B4GALT4: variants seen among roughly 807,000 people sequenced by gnomAD.
B4GALT4 encodes the protein N-acetyllactosamine synthase.
B4GALT4 carries 27 observed loss-of-function variants against 37.3 expected under a neutral mutation model. The ratio of observed to expected loss-of-function variants is 0.72; its 90% CI spans 0.53 to 1.00. The LOEUF is 1.00. Among genes scored for constraint, B4GALT4 ranks in the 50% least tolerant of loss-of-function variants. B4GALT4 has a pLI of 0.00. For synonymous variants in B4GALT4, 148 were observed against 154.1 expected (o/e 0.96, Z 0.29); for missense variants, 372 against 413.1 (o/e 0.90, Z 0.86).
chr3:119,222,453 G>C (rs932165128), intron 5 of B4GALT4, among the ~76,000 whole-genome samples: 11 of 152,124 alleles, frequency 7.2e-5, no homozygotes, highest in African/African-American at 4.8e-5. Context: ...CAGACATGTG[G>C]CGTCTCTCCC....
At chr3:119,218,868 A>C (rs1194705964) in intron 5 of B4GALT4, 96 bp from the exon 6 acceptor site, 1 of 1,427,990 alleles carries the variant, frequency 7.0e-7, no homozygotes, top group Non-Finnish European at 9.6e-7. Context: ...GAGACCATGT[A>C]CTTCCACCCA....
chr3:119,218,639 CTGT>C lies in B4GALT4; in HGVS notation c.797+8_797+10del, dbSNP rs778372800. ...AGAGCCCCGTGAAGGGGACCTTTCT[CTGT>C]TGTTCACCTGAGTCTGAGGTCATCG... is the stretch of plus-strand genomic sequence containing the variant. On this transcript the variant is annotated splice_region_variant and intron_variant, in intron 6 of 7. Transcript: ENST00000393765. The C allele has an allele frequency of 2.5e-5, 41 of 1,614,072 alleles. No homozygotes were observed. Among genetic ancestry groups the C allele is most frequent in the Non-Finnish European group, 3.4e-5 (40 of 1,180,038 alleles).
At position 119,226,814 on chromosome 3, in the gene B4GALT4, G is replaced by A. The variant is rs2078634006; in HGVS notation, c.481C>T (p.His161Tyr). ...QQLDYGIYVI[H>Y]QAEGKKFNRA... is the part of the protein sequence containing the mutation. ...TGGTCTGCCCCCACGCTCACCTGGT[G>A]GATGACGTAGATGCCATAATCCAGC... Residue 161 changes from histidine (H) to tyrosine (Y), a missense_variant, in exon 4 of 8, where the codon CAC becomes TAC. By Grantham distance (83) the His-to-Tyr change is moderately conservative. Coordinates refer to ENST00000393765, the MANE Select transcript of B4GALT4 (RefSeq NM_003778.4). 2 of 1,613,128 alleles carry A rather than the reference G, an allele frequency of 1.2e-6. No homozygotes were observed. Among genetic ancestry groups the A allele is most frequent in the Non-Finnish European group, 1.7e-6 (2 of 1,179,816 alleles).
chr3:119,220,800 C>T (rs1214146574), intron 5 of B4GALT4, among the ~76,000 whole-genome samples: 1 of 152,156 alleles, frequency 6.6e-6, no homozygotes, highest in East Asian at 1.9e-4. Context: ...CCCTGGCTAA[C>T]ACTGCGAAAC....
At chr3:119,234,357 T>C (rs1053501153) in intron 2 of B4GALT4, among the ~76,000 whole-genome samples, 1 of 152,146 alleles carries the variant, frequency 6.6e-6, no homozygotes, top group African/African-American at 2.4e-5. Context: ...TGACCTCAAA[T>C]GATCTGCCCA....
In B4GALT4 at chr3:119,216,204, G is replaced by C. The variant is rs570667402; in HGVS notation, c.902+36C>G. 26 of 1,506,648 alleles carry C rather than the reference G, an allele frequency of 1.7e-5. No homozygotes were observed. In the South Asian group the frequency reaches 2.8e-4, roughly 16 times the overall value. 93.3% of individuals were successfully genotyped at this position (1,506,648 alleles called of 1,614,324 possible). ...GTCCTTATTGACAGAACAGACTAGG[G>C]AGGTAGCCTGCTAGGCAGGTGAAGC... On this transcript the variant is annotated intron_variant, in intron 7 of 7. Coordinates refer to ENST00000393765, the MANE Select transcript of B4GALT4 (RefSeq NM_003778.4).
Position 119,230,180 on chromosome 3 carries a change from T to C in B4GALT4, c.-81A>G, listed in dbSNP as rs1162831076. ...TTCAAGTTGAGCTTTTCCAATCTGA[T>C]TGCGAACTTGATGACAACTGAAGAT... On this transcript the variant is annotated 5_prime_UTR_variant, in exon 3 of 8. Transcript: ENST00000393765. 3.3e-6 allele frequency: 5 copies of C among 1,538,288 alleles called. No individual in the cohort carries two copies. Among genetic ancestry groups the C allele is most frequent in the Admixed American group, 1.9e-5 (1 of 53,864 alleles).
intron 3 of B4GALT4, among the ~76,000 whole-genome samples, chr3:119,227,726 T>TTTTG (rs986061871): frequency 6.6e-6 from 1 of 152,190 alleles, no homozygotes; most frequent in Admixed American, 6.5e-5. Flanking sequence ...GCTCAGGTTT[T>TTTTG]TTTGTTTGTT....
chr3:119,239,108 T>C (rs573753392), intron 1 of B4GALT4, among the ~76,000 whole-genome samples: 2 of 152,222 alleles, frequency 1.3e-5, no homozygotes, highest in East Asian at 1.9e-4. Context: ...AATGGATCAC[T>C]TGGGGTCAGG....
chr3:119,234,689 A>G (rs1254567463), intron 2 of B4GALT4, among the ~76,000 whole-genome samples: 1 of 152,222 alleles, frequency 6.6e-6, no homozygotes, highest in Non-Finnish European at 1.5e-5. Context: ...TTACACTAAC[A>G]TTTAAGTAAT....
In B4GALT4 at chr3:119,218,652, G is replaced by A. The variant is rs751656618; in HGVS notation, c.795C>T (p.Leu265=). Residue 265 remains leucine (L), a splice_region_variant and synonymous_variant, in exon 6 of 8, where the codon CTC becomes CTT. Coordinates refer to ENST00000393765, the MANE Select transcript of B4GALT4 (RefSeq NM_003778.4). ...GGGGACCTTTCTCTGTTGTTCACCTGAGTCTGAGGTCATCGTCTTCGCCTC... is the reference window on the plus strand; with the variant it reads ...GGGGACCTTTCTCTGTTGTTCACCTAAGTCTGAGGTCATCGTCTTCGCCTC... ...GWGGEDDDLR[L]RVELQRMKIS... 1 of 1,614,190 alleles carries A rather than the reference G, an allele frequency of 6.2e-7. No homozygotes were observed.
intron 7 of B4GALT4, chr3:119,212,999 T>C: frequency 5.2e-6 from 1 of 192,526 alleles, no homozygotes; most frequent in Non-Finnish European, 1.0e-5. Flanking sequence ...TGCTAACTGA[T>C]CCTTGGCTGA....
At chr3:119,218,798 G>A (rs1346621236) in intron 5 of B4GALT4, 26 bp from the exon 6 acceptor site, 2 of 1,613,138 alleles carry the variant, frequency 1.2e-6, no homozygotes, top group Non-Finnish European at 1.7e-6. Context: ...TGAGAGAAAT[G>A]GTAAGAATAT....
chr3:119,220,218 CCAAGACATCT>C (rs1406821373), intron 5 of B4GALT4, among the ~76,000 whole-genome samples: 1 of 152,194 alleles, frequency 6.6e-6, no homozygotes, highest in Middle Eastern at 3.2e-3. Context: ...ATATCACTGA[CCAAGACATCT>C]ACTAGCAGTG....
Position 119,212,306 on chromosome 3 carries a change from C to T in B4GALT4, c.*243G>A, listed in dbSNP as rs1036697722. ...TTGAGTCATCCTTTTATATAAAGTC[C>T]TTCAAGTATCCATATTACAATATTT... On this transcript the variant is annotated 3_prime_UTR_variant, in exon 8 of 8. Coordinates refer to ENST00000393765, the MANE Select transcript of B4GALT4 (RefSeq NM_003778.4). 1 of 684,694 alleles carries T rather than the reference C, an allele frequency of 1.5e-6. No homozygotes were observed. The highest frequency in any genetic ancestry group is 1.6e-5 in the South Asian group (1 of 64,182). 42.4% of individuals were successfully genotyped at this position (684,694 alleles called of 1,614,324 possible).
In B4GALT4 at chr3:119,234,595, C is replaced by T. The variant is rs537395058; in HGVS notation, c.-146+2258G>A. Among the ~76,000 whole-genome samples the T allele has an allele frequency of 6.6e-5, 10 of 152,232 alleles. No individual in the cohort carries two copies. In the South Asian group the frequency reaches 2.1e-3, roughly 32 times the overall value. On this transcript the variant is annotated intron_variant, in intron 2 of 7. Transcript: ENST00000393765. ...TGTAATATTTTTATAATTAGAAAAA[C>T]ATAATGACTTTTTAAAGAAAGTTAT...
chr3:119,231,827 ATATTT>A (rs1168117734), intron 2 of B4GALT4, among the ~76,000 whole-genome samples: 1 of 146,314 alleles, frequency 6.8e-6, no homozygotes, highest in Non-Finnish European at 1.5e-5. Context: ...ATATTTTAAT[ATATTT>A]TATATTTTTA....
At chr3:119,218,839 GCGTTCTAGGAACAC>G in intron 5 of B4GALT4, 67 bp from the exon 6 acceptor site, 1 of 1,586,090 alleles carries the variant, frequency 6.3e-7, no homozygotes, top group Non-Finnish European at 8.6e-7. Context: ...TTCAGGGCTG[GCGTTCTAGGAACAC>G]CTGGGAGACC....
At chr3:119,227,599 C>A (rs2078664665) in intron 3 of B4GALT4, among the ~76,000 whole-genome samples, 1 of 152,290 alleles carries the variant, frequency 6.6e-6, no homozygotes, top group African/African-American at 2.4e-5. Context: ...TGTGGCACTG[C>A]AACAACTCTC....
Sources: gnomAD v4.1 joint callset for allele counts (sites outside exome capture counted in the v4.1 genomes callset) on GRCh38, gnomAD v4.1.1 for gene constraint, MANE v1.5 for transcripts, NCBI Gene and HGNC (gene_info 2026-07-23, HGNC 2026-07-21) for gene names.